The following NIPBL variants were observed in gnomAD, a reference collection of about 807,000 sequenced individuals.
NIPBL encodes nipped-B-like protein.
A neutral mutation model predicts 321.8 loss-of-function variants in NIPBL; 19 were observed. The ratio of observed to expected loss-of-function variants is 0.06; its 90% CI spans 0.04 to 0.09. The LOEUF (loss-of-function observed/expected upper bound fraction) is 0.09, where lower values mean the gene tolerates loss of function less well. NIPBL is among the 10% of genes least tolerant of loss of function. The pLI, the probability that NIPBL is intolerant of heterozygous loss-of-function variation, is 1.00. For synonymous variants in NIPBL, 1,106 were observed against 1,114.1 expected, an observed-to-expected ratio of 0.99 and a Z score of 0.14; for missense variants, 2,210 against 3,327.0, an observed-to-expected ratio of 0.66 and a Z score of 8.26.
At chr5:36,906,545 A>G (rs1341979871) in intron 1 of NIPBL, among the ~76,000 whole-genome samples, 3 of 152,186 alleles carry the variant, frequency 2.0e-5, no homozygotes, top group East Asian at 3.8e-4. Context: ...CTACCAGGAC[A>G]GATTTTGTTT....
intron 32 of NIPBL, among the ~76,000 whole-genome samples, chr5:37,035,378 T>C (rs1195800831): frequency 6.6e-6 from 1 of 152,228 alleles, no homozygotes; most frequent in Non-Finnish European, 1.5e-5. Context: ...TGAAGCTGTC[T>C]GCTTTATTTA....
intron 1 of NIPBL, among the ~76,000 whole-genome samples, chr5:36,893,574 A>G (rs184011572): frequency 2.7e-3 from 405 of 152,132 alleles, no homozygotes; most frequent in African/African-American, 9.0e-3. Context: ...AGACTTCTCA[A>G]TCATTCAGTA....
chr5:36,967,344 A>G (rs935059380), intron 6 of NIPBL, among the ~76,000 whole-genome samples: 2 of 152,162 alleles, frequency 1.3e-5, no homozygotes, highest in African/African-American at 4.8e-5. Flanking sequence ...TATCTATCAT[A>G]TAATTTAAAA....
In NIPBL at chr5:36,961,484, G is replaced by C. The variant is rs2149607016; in HGVS notation, c.359G>C (p.Gly120Ala). ...TTCTGTATTTTTGTGTTTTGCATAG[G>C]AATGATGATGTCTCAGTATAAACTT... Reference protein sequence around the residue: ...KSMQNRYVQSGMMMSQYKLSQ... With the variant: ...KSMQNRYVQSAMMMSQYKLSQ... The change falls in exon 5 of 47, where the codon GGA becomes GCA. Residue 120 changes from glycine to alanine, a missense_variant and splice_region_variant. Transcript: ENST00000282516. 6.3e-7 allele frequency: 1 copy of C among 1,583,018 alleles called. No individual in the cohort carries two copies. Among genetic ancestry groups the C allele is most frequent in the Non-Finnish European group, 8.7e-7 (1 of 1,151,828 alleles).
chr5:36,961,305 T>G (rs193022345), intron 4 of NIPBL, among the ~76,000 whole-genome samples, 179 bp from the exon 5 acceptor site: 9 of 152,282 alleles, frequency 5.9e-5, no homozygotes, highest in Non-Finnish European at 8.8e-5. Flanking sequence ...GAAAATGGTG[T>G]TGTAATAAAA....
intron 1 of NIPBL, chr5:36,885,657 T>G (rs1437251910): frequency 1.1e-5 from 6 of 555,642 alleles, no homozygotes; most frequent in African/African-American, 1.9e-5. Context: ...TGCATTGTTC[T>G]GCAGATTGAC....
intron 45 of NIPBL, among the ~76,000 whole-genome samples, chr5:37,061,390 G>A (rs894415621): frequency 2.3e-4 from 35 of 152,276 alleles, no homozygotes; most frequent in African/African-American, 6.7e-4. Context: ...AAAAAATGGC[G>A]TAGTGGGCTG....
chr5:36,901,534 A>C (rs1030261123), intron 1 of NIPBL, among the ~76,000 whole-genome samples: 3 of 83,240 alleles, frequency 3.6e-5, no homozygotes, highest in African/African-American at 1.5e-4. Flanking sequence ...TTTGAGTCGG[A>C]GATTTGCTCT....
intron 23 of NIPBL, 146 bp from the exon 24 acceptor site, chr5:37,016,873 A>G (rs2149691839): frequency 1.7e-6 from 1 of 573,616 alleles, no homozygotes; most frequent in Non-Finnish European, 2.9e-6. Flanking sequence ...TCAAAAGGCA[A>G]AAATGACTTT....
intron 44 of NIPBL, among the ~76,000 whole-genome samples, 196 bp downstream of exon 44, chr5:37,059,361 G>C (rs904324971): frequency 2.0e-5 from 3 of 152,118 alleles, no homozygotes; most frequent in Non-Finnish European, 4.4e-5. Flanking sequence ...ACAAAAATTA[G>C]CCTAGTGTGG....
chr5:37,064,695 A>C lies in NIPBL; in HGVS notation c.8218A>C (p.Met2740Leu), dbSNP rs749178582. Residue 2740 changes from methionine to leucine, a missense_variant, in exon 47 of 47, where the codon ATG becomes CTG. Met to Leu is a conservative substitution (Grantham distance 15). Coordinates refer to ENST00000282516, the MANE Select transcript of NIPBL (RefSeq NM_133433.4). ...KTSSGFSVQW[M>L]AGSYSGSWTE... The stretch of plus-strand genomic sequence containing the variant: ...CAGCAGTGGCTTCAGTGTTCAGTGG[A>C]TGGCAGGCTCCTACAGTGGCTCCTG... 1.2e-6 allele frequency: 2 copies of C among 1,614,208 alleles called. No individual in the cohort carries two copies. The highest frequency in any genetic ancestry group is 1.7e-6 in the Non-Finnish European group (2 of 1,180,036).
At chr5:37,044,881 CTT>C (rs1198835126) in intron 36 of NIPBL, 152 bp downstream of exon 36, 1 of 651,872 alleles carries the variant, frequency 1.5e-6, no homozygotes, top group Non-Finnish European at 2.7e-6. Context: ...TTTCTAGTGT[CTT>C]TTGTATTTCC....
intron 32 of NIPBL, among the ~76,000 whole-genome samples, chr5:37,033,724 A>ATTTT (rs1286423460): frequency 3.3e-4 from 27 of 82,304 alleles, no homozygotes; most frequent in Admixed American, 6.0e-4. Context: ...ATATATATAT[A>ATTTT]TATATATTTT....
chr5:37,060,795 ACGTTG>A, intron 44 of NIPBL, 44 bp from the exon 45 acceptor site: 1 of 1,506,674 alleles, frequency 6.6e-7, no homozygotes, highest in Non-Finnish European at 9.1e-7. Context: ...TTCTCCAAAT[ACGTTG>A]TTTCCATAGT....
rs756687674 is a variant in NIPBL, at chr5:37,000,940, A to G, written c.3575-49A>G. 24 of 1,585,840 alleles carry G rather than the reference A, an allele frequency of 1.5e-5. No homozygotes were observed. The Admixed American group carries it at 4.0e-4, about 27-fold the overall frequency. On this transcript the variant is annotated intron_variant, in intron 13 of 46. Coordinates refer to ENST00000282516, the MANE Select transcript of NIPBL (RefSeq NM_133433.4). The stretch of plus-strand genomic sequence containing the variant: ...CTTTATTCATATTCTTCAGCTTCAC[A>G]TGTCTACTTGTAATGTGAGAATAAT...
At chr5:37,008,836 C>T (rs538471059) in intron 20 of NIPBL, 113 bp downstream of exon 20, 1 of 708,938 alleles carries the variant, frequency 1.4e-6, no homozygotes, top group Admixed American at 2.2e-5. Flanking sequence ...AAAAACTAGG[C>T]AGTTACATCA....
At chr5:37,012,117 T>C (rs1231184078) in intron 21 of NIPBL, among the ~76,000 whole-genome samples, 1 of 151,492 alleles carries the variant, frequency 6.6e-6, no homozygotes, top group Non-Finnish European at 1.5e-5. Context: ...AATTGACTGT[T>C]TATATCTTAA....
At position 37,063,801 on chromosome 5, in the gene NIPBL, C is replaced by T. The variant is rs146209296; in HGVS notation, c.7872C>T (p.Leu2624=). The T allele has an allele frequency of 1.5e-5, 24 of 1,613,324 alleles. No individual in the cohort carries two copies. The African/African-American group carries it at 3.2e-4, about 22-fold the overall frequency. Residue 2624 remains leucine (L), a synonymous_variant, in exon 46 of 47, where the codon CTC becomes CTT. Transcript: ENST00000282516. The part of the protein sequence containing the change: ...IVKQYLDFKL[L]MEHLDPDEEE... ...TCTGTTTTTTGTAGTTCAAACTTCTCATGGAACATCTGGACCCTGATGAAG... is the reference window on the plus strand; with the variant it reads ...TCTGTTTTTTGTAGTTCAAACTTCTTATGGAACATCTGGACCCTGATGAAG...
chr5:36,953,393 C>G (rs1740617513), intron 1 of NIPBL, among the ~76,000 whole-genome samples: 1 of 151,908 alleles, frequency 6.6e-6, no homozygotes, highest in African/African-American at 2.4e-5. Context: ...TAGTAAAATG[C>G]AAAAAACAAT....
Sources: gnomAD v4.1 joint callset for allele counts (sites outside exome capture counted in the v4.1 genomes callset) on GRCh38, gnomAD v4.1.1 for gene constraint, MANE v1.5 for transcripts, NCBI Gene and HGNC (gene_info 2026-07-23, HGNC 2026-07-21) for gene names.